The following RAD51B variants were observed in gnomAD, a reference collection of about 807,000 sequenced individuals.
RAD51B encodes RAD51 paralog B.
In RAD51B, 38 loss-of-function variants were observed where a neutral mutation model predicts 42.2. The observed-to-expected ratio is 0.90, with a 90% CI of 0.70 to 1.18. The LOEUF is 1.18. Ranked by LOEUF, RAD51B falls within the 50% of genes most tolerant of loss-of-function variation. The probability of loss-of-function intolerance (pLI) is 0.00; values close to 1 mark genes in which losing one functional copy is unlikely to be tolerated. For synonymous variants in RAD51B, 154 were observed against 145.2 expected (o/e 1.06, Z -0.43); for missense variants, 373 against 400.7 (o/e 0.93, Z 0.59).
intron 10 of RAD51B, among the ~76,000 whole-genome samples, chr14:68,590,285 C>T (rs1310820896): frequency 4.6e-5 from 7 of 152,212 alleles, no homozygotes; most frequent in Non-Finnish European, 2.9e-5. Flanking sequence ...TCAAGCTCTG[C>T]CTGGCCAGCC....
Position 68,278,660 on chromosome 14 carries a change from A to ATTTGTTTG in RAD51B, c.757-13212_757-13205dup, listed in dbSNP as rs557350497. ...GTAGAGGGCTGAAAGAGCCAGTTAC[A>ATTTGTTTG]TTTGTTTGTTTGTTTGTTTTGTTTT... On this transcript the variant is annotated intron_variant, in intron 7 of 10. Transcript: ENST00000471583. 2.0e-5 allele frequency among the ~76,000 whole-genome samples: 3 copies of ATTTGTTTG among 152,302 alleles called. No individual in the cohort carries two copies. The East Asian group carries it at 5.8e-4, about 29-fold the overall frequency.
intron 7 of RAD51B, among the ~76,000 whole-genome samples, chr14:68,269,813 C>G (rs1199113144): frequency 6.6e-6 from 1 of 152,210 alleles, no homozygotes; most frequent in African/African-American, 2.4e-5. Context: ...TTATTTACCT[C>G]TCTCCTGGCT....
chr14:67,822,134 C>G (rs2040650410), intron 1 of RAD51B: 1 of 152,138 alleles, frequency 6.6e-6, no homozygotes, highest in South Asian at 2.1e-4. Flanking sequence ...CAAAATGTTA[C>G]TTCTTTTCTG....
At chr14:68,162,791 C>A (rs1277040361) in intron 7 of RAD51B, among the ~76,000 whole-genome samples, 1 of 151,722 alleles carries the variant, frequency 6.6e-6, no homozygotes, top group Non-Finnish European at 1.5e-5. Context: ...TCTCAAAAAA[C>A]AAAACAAAAC....
chr14:67,985,079 A>G (rs1477757287), intron 7 of RAD51B, among the ~76,000 whole-genome samples: 1 of 152,224 alleles, frequency 6.6e-6, no homozygotes, highest in Non-Finnish European at 1.5e-5. Flanking sequence ...TTTTAAGCTT[A>G]AATGTTCATG....
chr14:67,937,934 T>C (rs1409662585), intron 7 of RAD51B, among the ~76,000 whole-genome samples: 1 of 152,044 alleles, frequency 6.6e-6, no homozygotes, highest in African/African-American at 2.4e-5. Flanking sequence ...TTTGAAATAG[T>C]GCACCGATGG....
At position 67,959,011 on chromosome 14, in the gene RAD51B, C is replaced by G. The variant is rs139904992; in HGVS notation, c.756+71807C>G. 4.0e-3 allele frequency among the ~76,000 whole-genome samples: 612 copies of G among 152,240 alleles called. 2 individuals are homozygous for G. Among genetic ancestry groups the G allele is most frequent in the Middle Eastern group, 0.024 (7 of 292 alleles). On this transcript the variant is annotated intron_variant, in intron 7 of 10. Transcript: ENST00000471583. ...TATTTCAAAGAATCTTTAGGGTTTACTTGCCACATCTTCTATTGGAGTCCA... is the reference window on the plus strand; with the variant it reads ...TATTTCAAAGAATCTTTAGGGTTTAGTTGCCACATCTTCTATTGGAGTCCA...
chr14:67,952,000 A>T (rs997197467), intron 7 of RAD51B, among the ~76,000 whole-genome samples: 1 of 138,674 alleles, frequency 7.2e-6, no homozygotes, highest in African/African-American at 3.3e-5. Flanking sequence ...TAATACAAAA[A>T]ATTCTTCGGT....
intron 5 of RAD51B, among the ~76,000 whole-genome samples, chr14:67,878,031 C>G (rs1053965146): frequency 6.6e-6 from 1 of 152,110 alleles, no homozygotes; most frequent in Non-Finnish European, 1.5e-5. Flanking sequence ...AACAAGTTTT[C>G]CCCCACTATT....
At chr14:68,085,945 G>A (rs2076976631) in intron 7 of RAD51B, among the ~76,000 whole-genome samples, 1 of 152,192 alleles carries the variant, frequency 6.6e-6, no homozygotes, top group African/African-American at 2.4e-5. Context: ...TACAGCTGAA[G>A]CCCCAGTGGG....
intron 3 of RAD51B, among the ~76,000 whole-genome samples, chr14:67,833,889 C>T (rs185487448): frequency 1.2e-4 from 18 of 152,320 alleles, no homozygotes; most frequent in Admixed American, 1.0e-3. Flanking sequence ...ATGACTGTAA[C>T]GTCTTCCTGA....
chr14:68,419,166 T>G (rs570302223), intron 9 of RAD51B, among the ~76,000 whole-genome samples: 1 of 152,328 alleles, frequency 6.6e-6, no homozygotes, highest in South Asian at 2.1e-4. Context: ...CTAGCCCCTT[T>G]GTTTTACAGA....
chr14:68,394,774 G>A (rs562920851), intron 8 of RAD51B, among the ~76,000 whole-genome samples: 1 of 152,276 alleles, frequency 6.6e-6, no homozygotes, highest in South Asian at 2.1e-4. Context: ...CTTCACCTCT[G>A]CCAGGGCAAA....
intron 7 of RAD51B, among the ~76,000 whole-genome samples, chr14:67,916,701 A>G (rs1342110453): frequency 6.6e-6 from 1 of 152,152 alleles, no homozygotes; most frequent in Non-Finnish European, 1.5e-5. Flanking sequence ...GTTCTAACCA[A>G]ATTTTTCATG....
At chr14:68,004,773 G>C (rs1333395250) in intron 7 of RAD51B, among the ~76,000 whole-genome samples, 1 of 152,074 alleles carries the variant, frequency 6.6e-6, no homozygotes, top group Non-Finnish European at 1.5e-5. Flanking sequence ...TGCCTTTTCT[G>C]AGGGTGACCA....
At chr14:68,050,686 A>G (rs2076378057) in intron 7 of RAD51B, among the ~76,000 whole-genome samples, 1 of 152,104 alleles carries the variant, frequency 6.6e-6, no homozygotes, top group Non-Finnish European at 1.5e-5. Context: ...TTTTTGGAGA[A>G]GGAAGTTTAC....
At chr14:68,387,444 G>A (rs1326493403) in intron 8 of RAD51B, among the ~76,000 whole-genome samples, 6 of 152,136 alleles carry the variant, frequency 3.9e-5, no homozygotes, top group Admixed American at 2.0e-4. Flanking sequence ...ATGATGGCAC[G>A]TTTTTGTTAA....
intron 8 of RAD51B, among the ~76,000 whole-genome samples, chr14:68,360,516 C>G (rs964434257): frequency 6.6e-6 from 1 of 152,230 alleles, no homozygotes; most frequent in African/African-American, 2.4e-5. Flanking sequence ...AGTAATGACT[C>G]TTACTGGGCA....
chr14:68,259,122 A>G (rs569734071), intron 7 of RAD51B, among the ~76,000 whole-genome samples: 1 of 152,304 alleles, frequency 6.6e-6, no homozygotes, highest in East Asian at 1.9e-4. Flanking sequence ...AGGCTCTGCA[A>G]ATTCCTGCTG....
Sources: gnomAD v4.1 joint callset for allele counts (sites outside exome capture counted in the v4.1 genomes callset) on GRCh38, gnomAD v4.1.1 for gene constraint, MANE v1.5 for transcripts, NCBI Gene and HGNC (gene_info 2026-07-23, HGNC 2026-07-21) for gene names.